The following CARMIL3 variants were observed in gnomAD, a reference collection of about 807,000 sequenced individuals.
CARMIL3 encodes the protein capping protein, Arp2/3 and myosin-I linker protein 3.
Under a neutral mutation model 180.8 loss-of-function variants are expected in CARMIL3, and 88 were observed. The ratio of observed to expected loss-of-function variants is 0.49; its 90% CI spans 0.41 to 0.58. The LOEUF is 0.58. CARMIL3 is among the 20% of genes least tolerant of loss of function. The pLI is 0.00. For missense variants in CARMIL3, 1,548 were observed against 1,787.0 expected, an observed-to-expected ratio of 0.87 and a Z score of 2.41; for synonymous variants, 696 against 714.5, an observed-to-expected ratio of 0.97 and a Z score of 0.41.
chr14:24,061,081 G>C lies in CARMIL3; in HGVS notation c.2304+41G>C. On this transcript the variant is annotated intron_variant, in intron 26 of 39. Coordinates refer to ENST00000342740, the MANE Select transcript of CARMIL3 (RefSeq NM_138360.4). This position sits in a 1 kb window ranked among gnomAD's most constrained non-coding sequence, Gnocchi z 4.1. ...GGGAGGAATCCATGGTGGGAACCTA[G>C]TGTTGACTGAGGCCCTAAGCCCAGA... The C allele has an allele frequency of 2.6e-6, 4 of 1,518,826 alleles. No homozygotes were observed. Among genetic ancestry groups the C allele is most frequent in the Non-Finnish European group, 3.6e-6 (4 of 1,118,090 alleles). The allele number at this position is 1,518,826 out of a possible 1,614,324, so 94.1% of individuals were successfully genotyped here.
chr14:24,054,845 A>C lies in CARMIL3; in HGVS notation c.460+37A>C, dbSNP rs1416523823. The C allele has an allele frequency of 1.9e-6, 3 of 1,588,200 alleles. No homozygotes were observed. The highest frequency in any genetic ancestry group is 2.6e-6 in the Non-Finnish European group (3 of 1,158,200). ...CAGATGTGAGGAAAGTAGGCGCTCC[A>C]CCATCTTGCCCCATGATCAGAGCCC... is the stretch of plus-strand genomic sequence containing the variant. On this transcript the variant is annotated intron_variant, in intron 6 of 39. Coordinates refer to ENST00000342740, the MANE Select transcript of CARMIL3 (RefSeq NM_138360.4). This position sits in a 1 kb window ranked among gnomAD's most constrained non-coding sequence, Gnocchi z 5.1.
chr14:24,059,520 A>G lies in CARMIL3; in HGVS notation c.1799+78A>G. ...GTACATAATCTCCCTGCTTTCCTTG[A>G]TGCTCTGGACCCCAGCTTCCAGAAG... On this transcript the variant is annotated intron_variant, in intron 21 of 39. Coordinates refer to ENST00000342740, the MANE Select transcript of CARMIL3 (RefSeq NM_138360.4). The surrounding 1 kb of genome is among the most constrained non-coding windows in gnomAD (Gnocchi z 6.3). The G allele has an allele frequency of 6.6e-7, 1 of 1,524,368 alleles. No homozygotes were observed. The highest frequency in any genetic ancestry group is 1.2e-5 in the South Asian group (1 of 82,444). 94.4% of individuals were successfully genotyped at this position (1,524,368 alleles called of 1,614,324 possible).
At chr14:24,052,426 C>T (rs1461487942) in intron 1 of CARMIL3, among the ~76,000 whole-genome samples, 1 of 152,226 alleles carries the variant, frequency 6.6e-6, no homozygotes, top group Non-Finnish European at 1.5e-5. Context: ...CCCGTCCCGC[C>T]CTTCGGTGAC....
chr14:24,069,376 C>G lies in CARMIL3; in HGVS notation c.4094-3C>G. The G allele has an allele frequency of 6.2e-7, 1 of 1,614,168 alleles. No homozygotes were observed. Among genetic ancestry groups the G allele is most frequent in the South Asian group, 1.1e-5 (1 of 91,082 alleles). The stretch of plus-strand genomic sequence containing the variant: ...CAGGGCTCCCTGGATTTGTCCCCAG[C>G]AGGAACCAGTGAGCCAGGAACAGAC... On this transcript the variant is annotated splice_polypyrimidine_tract_variant and splice_region_variant and intron_variant, in intron 39 of 39. Coordinates refer to ENST00000342740, the MANE Select transcript of CARMIL3 (RefSeq NM_138360.4).
Position 24,059,107 on chromosome 14 carries a change from T to G in CARMIL3, c.1572-28T>G, listed in dbSNP as rs755757996. ...AATAGCATGACCCCAGCCCTTCCCC[T>G]CCTACTCTGAGCCCCGCCTCCCTGC... On this transcript the variant is annotated intron_variant, in intron 19 of 39. Coordinates refer to ENST00000342740, the MANE Select transcript of CARMIL3 (RefSeq NM_138360.4). This position sits in a 1 kb window ranked among gnomAD's most constrained non-coding sequence, Gnocchi z 6.3. 1.3e-6 allele frequency: 2 copies of G among 1,587,942 alleles called. No homozygotes were observed. The highest frequency in any genetic ancestry group is 1.7e-6 in the Non-Finnish European group (2 of 1,167,628).
Position 24,063,528 on chromosome 14 carries a change from C to G in CARMIL3, c.2974C>G (p.Pro992Ala). ...PRTTPPGPGR[P>A]SMPAPGTRQE... ...GACCACACCTCCAGGACCTGGTCGA[C>G]CCAGTGTGAGTCCCTAAGGCTTCAC... The change falls in exon 31 of 40, where the codon CCC becomes GCC. Residue 992 changes from proline (P) to alanine (A), a missense_variant. Pro to Ala is a conservative substitution (Grantham distance 27). This residue lies in a region of CARMIL3 where 668 missense variants were observed against 687.8 expected (regional missense o/e 0.97). Transcript: ENST00000342740. 1 of 1,609,508 alleles carries G rather than the reference C, an allele frequency of 6.2e-7. No homozygotes were observed. Among genetic ancestry groups the G allele is most frequent in the South Asian group, 1.1e-5 (1 of 90,758 alleles).
In CARMIL3 at chr14:24,059,520, A is replaced by T; in HGVS notation, c.1799+78A>T. ...GTACATAATCTCCCTGCTTTCCTTG[A>T]TGCTCTGGACCCCAGCTTCCAGAAG... On this transcript the variant is annotated intron_variant, in intron 21 of 39. Transcript: ENST00000342740. The surrounding 1 kb of genome is among the most constrained non-coding windows in gnomAD (Gnocchi z 6.3). 1 of 1,524,368 alleles carries T rather than the reference A, an allele frequency of 6.6e-7. No individual in the cohort carries two copies. Among genetic ancestry groups the T allele is most frequent in the Non-Finnish European group, 8.9e-7 (1 of 1,126,420 alleles). The allele number at this position is 1,524,368 out of a possible 1,614,324, so 94.4% of individuals were successfully genotyped here.
chr14:24,068,670 C>T lies in CARMIL3; in HGVS notation c.3769C>T (p.Pro1257Ser), dbSNP rs768899062. 29 of 1,613,770 alleles carry T rather than the reference C, an allele frequency of 1.8e-5. No individual in the cohort carries two copies. The highest frequency in any genetic ancestry group is 2.3e-5 in the Non-Finnish European group (27 of 1,179,912). The change falls in exon 37 of 40, where the codon CCA (proline) becomes TCA (serine). Residue 1257 changes from proline (P) to serine (S), a missense_variant. By Grantham distance (74) the Pro-to-Ser change is moderately conservative (BLOSUM62 -1). Transcript: ENST00000342740. ...GEEEKEGTLF[P>S]ERTLPARNAK... ...AGAGGAGAAGGAGGGGACCCTCTTC[C>T]CAGAGAGGACACTTCCAGCTAGGAA...
At position 24,056,661 on chromosome 14, in the gene CARMIL3, C is replaced by T. The variant is rs776160641; in HGVS notation, c.905C>T (p.Ser302Phe). Reference protein sequence around the residue: ...SLSQQLLCFPSGLTKLCLAKT... With the variant: ...SLSQQLLCFPFGLTKLCLAKT... Reference sequence around the variant, plus strand: ...AGCCAGCAGCTCCTCTGCTTCCCCTCTGGCCTCACCAAACTGTGCCTGGCC... The same window carrying T: ...AGCCAGCAGCTCCTCTGCTTCCCCTTTGGCCTCACCAAACTGTGCCTGGCC... Residue 302 changes from serine to phenylalanine, a missense_variant, in exon 12 of 40, where the codon TCT becomes TTT. Ser to Phe is a radical substitution (Grantham distance 155). Coordinates refer to ENST00000342740, the MANE Select transcript of CARMIL3 (RefSeq NM_138360.4). The T allele has an allele frequency of 2.5e-6, 4 of 1,613,776 alleles. No individual in the cohort carries two copies. The highest frequency in any genetic ancestry group is 1.7e-5 in the Admixed American group (1 of 60,008).
intron 10 of CARMIL3, 61 bp downstream of exon 10, chr14:24,055,850 A>T (rs1594547777): frequency 6.8e-7 from 1 of 1,461,916 alleles, no homozygotes; most frequent in Non-Finnish European, 9.5e-7. Context: ...GGGTCCCAGA[A>T]CCTCAGAGCA....
At chr14:24,065,873 G>A (rs1398071082) in intron 34 of CARMIL3, 123 bp downstream of exon 34, 3 of 1,388,228 alleles carry the variant, frequency 2.2e-6, no homozygotes, top group Non-Finnish European at 2.9e-6. Context: ...ATTAGAAGAT[G>A]TTAGCTGCTC....
chr14:24,068,670 C>G lies in CARMIL3; in HGVS notation c.3769C>G (p.Pro1257Ala). ...GEEEKEGTLF[P>A]ERTLPARNAK... ...AGAGGAGAAGGAGGGGACCCTCTTC[C>G]CAGAGAGGACACTTCCAGCTAGGAA... The change falls in exon 37 of 40, where the codon CCA becomes GCA. Residue 1257 changes from proline (P) to alanine (A), a missense_variant. Physicochemically the swap from Pro to Ala is conservative, Grantham distance 27. Transcript: ENST00000342740. The G allele has an allele frequency of 6.2e-7, 1 of 1,613,888 alleles. No homozygotes were observed. Among genetic ancestry groups the G allele is most frequent in the Non-Finnish European group, 8.5e-7 (1 of 1,179,904 alleles).
chr14:24,068,600 C>T lies in CARMIL3; in HGVS notation c.3699C>T (p.Pro1233=). The change falls in exon 37 of 40, where the codon CCC becomes CCT. Residue 1233 remains proline, a synonymous_variant. Transcript: ENST00000342740. ...ATWHIAEESA[P]NHSCQSPSPA... ...CATCCCCAGCTGAAGAGAGTGCCCC[C>T]AACCACAGCTGCCAGAGTCCCAGCC... 6.2e-7 allele frequency: 1 copy of T among 1,613,040 alleles called. No homozygotes were observed. Among genetic ancestry groups the T allele is most frequent in the East Asian group, 2.2e-5 (1 of 44,870 alleles).
chr14:24,060,521 C>T, intron 24 of CARMIL3, 107 bp from the exon 25 acceptor site: 1 of 1,493,484 alleles, frequency 6.7e-7, no homozygotes, highest in Non-Finnish European at 9.0e-7. Flanking sequence ...CCAGAGACAT[C>T]ACCTCCACCA....
chr14:24,054,344 G>A lies in CARMIL3; in HGVS notation c.246+43G>A. The A allele has an allele frequency of 6.2e-7, 1 of 1,614,014 alleles. No individual in the cohort carries two copies. On this transcript the variant is annotated intron_variant, in intron 4 of 39. Transcript: ENST00000342740. The surrounding 1 kb of genome is among the most constrained non-coding windows in gnomAD (Gnocchi z 5.1). ...GGGCCCCACTACTGGGCCAGCTGGA[G>A]GAGGGAGCAGAGAGGAGGGAGTCTG...
Position 24,060,911 on chromosome 14 carries a change from C to T in CARMIL3, c.2191-16C>T, listed in dbSNP as rs748472436. ...CCTGGTTCTGGCCTGCTAATCATAA[C>T]CCCTTCCTTCTCCAGCTGTTTCCCA... On this transcript the variant is annotated splice_polypyrimidine_tract_variant and intron_variant, in intron 25 of 39. Coordinates refer to ENST00000342740, the MANE Select transcript of CARMIL3 (RefSeq NM_138360.4). 11 of 1,550,570 alleles carry T rather than the reference C, an allele frequency of 7.1e-6. No individual in the cohort carries two copies. Among genetic ancestry groups the T allele is most frequent in the Non-Finnish European group, 8.7e-6 (10 of 1,146,084 alleles).
rs1013866185 is a variant in CARMIL3 at position 24,069,582 on chromosome 14, C to T, written c.*178C>T. The T allele has an allele frequency of 3.4e-5, 24 of 713,768 alleles. No homozygotes were observed. Among genetic ancestry groups the T allele is most frequent in the African/African-American group, 1.3e-4 (7 of 55,840 alleles). The allele number at this position is 713,768 out of a possible 1,614,324, so 44.2% of individuals were successfully genotyped here. ...GAACAGAGGGAGCCACCTGGAGAGA[C>T]GGAGGCTGTCAGTGCCTGCCTCGAT... On this transcript the variant is annotated 3_prime_UTR_variant, in exon 40 of 40. Coordinates refer to ENST00000342740, the MANE Select transcript of CARMIL3 (RefSeq NM_138360.4).
rs1369260078 is a variant in CARMIL3, at chr14:24,069,382, C to A, written c.4097C>A (p.Thr1366Asn). The part of the protein sequence containing the change: ...DRRRPPDPTG[T>N]SEPGTD ...TCCCTGGATTTGTCCCCAGCAGGAA[C>A]CAGTGAGCCAGGAACAGACTGACAA... The change falls in exon 40 of 40, where the codon ACC becomes AAC. Residue 1366 changes from threonine to asparagine, a missense_variant. Physicochemically the swap from Thr to Asn is moderately conservative, Grantham distance 65 (BLOSUM62 0). This residue lies in a region of CARMIL3 where 668 missense variants were observed against 687.8 expected (regional missense o/e 0.97). Coordinates refer to ENST00000342740, the MANE Select transcript of CARMIL3 (RefSeq NM_138360.4). 1.2e-6 allele frequency: 2 copies of A among 1,614,026 alleles called. No homozygotes were observed. Among genetic ancestry groups the A allele is most frequent in the African/African-American group, 1.3e-5 (1 of 74,902 alleles).
At position 24,058,268 on chromosome 14, in the gene CARMIL3, G is replaced by A. The variant is rs746723085; in HGVS notation, c.1392+44G>A. ...ACCCCTCTGCCCGCCTCCGATCCAT[G>A]TGCATTTCTCAGACCTAAGTCAAAC... On this transcript the variant is annotated intron_variant, in intron 17 of 39. Coordinates refer to ENST00000342740, the MANE Select transcript of CARMIL3 (RefSeq NM_138360.4). This position sits in a 1 kb window ranked among gnomAD's most constrained non-coding sequence, Gnocchi z 6.4. 3.8e-6 allele frequency: 6 copies of A among 1,584,616 alleles called. No homozygotes were observed. In the South Asian group the frequency reaches 6.9e-5, roughly 18 times the overall value.
Sources: gnomAD v4.1 joint callset for allele counts (sites outside exome capture counted in the v4.1 genomes callset) on GRCh38, gnomAD v4.1.1 for gene constraint, gnomAD v4.1.1 regional missense constraint, Gnocchi (gnomAD v3.1) non-coding constraint, MANE v1.5 for transcripts, NCBI Gene and HGNC (gene_info 2026-07-23, HGNC 2026-07-21) for gene names.